Variants in SDK1 observed in about 807,000 individuals in gnomAD.
SDK1 encodes the protein protein sidekick-1.
Under a neutral mutation model 245.5 loss-of-function variants are expected in SDK1, and 157 were observed. That is an observed-to-expected ratio of 0.64 (90% CI 0.56 to 0.73). The LOEUF (loss-of-function observed/expected upper bound fraction) is 0.73. SDK1 is among the 30% of genes least tolerant of loss of function. SDK1 has a pLI of 0.00. For missense variants in SDK1, 3,583 were observed against 3,002.3 expected (o/e 1.19, Z -4.52); for synonymous variants, 1,647 against 1,278.5 (o/e 1.29, Z -6.15).
chr7:3,612,656 G>C (rs1220722773), intron 1 of SDK1, among the ~76,000 whole-genome samples: 1 of 152,166 alleles, frequency 6.6e-6, no homozygotes, highest in Non-Finnish European at 1.5e-5. Flanking sequence ...GAAAATGTTT[G>C]AATTTGATAT....
intron 2 of SDK1, among the ~76,000 whole-genome samples, chr7:3,631,534 G>C (rs1192439967): frequency 6.6e-6 from 1 of 152,164 alleles, no homozygotes; most frequent in African/African-American, 2.4e-5. Flanking sequence ...AAGGACAGCA[G>C]GTGCTATCTT....
intron 4 of SDK1, among the ~76,000 whole-genome samples, chr7:3,715,754 A>C (rs927584465): frequency 7.9e-5 from 12 of 152,218 alleles, no homozygotes; most frequent in African/African-American, 2.9e-4. Context: ...AAAATTACTG[A>C]ACATACAAAG....
intron 1 of SDK1, among the ~76,000 whole-genome samples, chr7:3,611,835 T>A (rs1035019413): frequency 6.6e-5 from 10 of 152,044 alleles, no homozygotes; most frequent in African/African-American, 2.4e-4. Context: ...AATAGATGAT[T>A]GTGGTGATGG....
chr7:4,175,706 GC>G, intron 33 of SDK1, 68 bp from the exon 34 acceptor site: 1 of 1,312,004 alleles, frequency 7.6e-7, no homozygotes, highest in South Asian at 1.2e-5. Context: ...CCTTGTTCCT[GC>G]CGCACATCAC....
chr7:3,603,659 T>C (rs947894138), intron 1 of SDK1, among the ~76,000 whole-genome samples: 4 of 152,196 alleles, frequency 2.6e-5, no homozygotes, highest in Non-Finnish European at 4.4e-5. Context: ...TTTTTCATAA[T>C]TGAATACCCT....
chr7:3,776,847 C>T (rs958351953), intron 4 of SDK1, among the ~76,000 whole-genome samples: 8 of 152,044 alleles, frequency 5.3e-5, no homozygotes, highest in African/African-American at 1.9e-4. Context: ...GAATGTCAGT[C>T]AGTAGTCTTG....
At chr7:3,682,248 C>G (rs1381685020) in intron 4 of SDK1, among the ~76,000 whole-genome samples, 6 of 152,184 alleles carry the variant, frequency 3.9e-5, no homozygotes, top group Non-Finnish European at 8.8e-5. Context: ...GAAAATGGGA[C>G]TCTCACCCCA....
chr7:4,200,042 C>A (rs1425767814), intron 35 of SDK1, among the ~76,000 whole-genome samples: 1 of 152,174 alleles, frequency 6.6e-6, no homozygotes, highest in East Asian at 1.9e-4. Flanking sequence ...TTGCAGTGAG[C>A]CGAGACTGTG....
chr7:3,924,749 AC>A (rs933863681), intron 5 of SDK1, among the ~76,000 whole-genome samples: 6 of 152,300 alleles, frequency 3.9e-5, no homozygotes, highest in South Asian at 4.1e-4. Context: ...CATGAAAGAT[AC>A]TAATGAATTT....
At chr7:3,723,560 C>G (rs1328607603) in intron 4 of SDK1, among the ~76,000 whole-genome samples, 1 of 152,042 alleles carries the variant, frequency 6.6e-6, no homozygotes, top group Non-Finnish European at 1.5e-5. Flanking sequence ...ACCTTATGAA[C>G]TTTCCATTAT....
At chr7:3,734,964 G>T (rs73304214) in intron 4 of SDK1, among the ~76,000 whole-genome samples, 2 of 152,032 alleles carry the variant, frequency 1.3e-5, no homozygotes, top group South Asian at 4.1e-4. Flanking sequence ...TTCTCCCGAC[G>T]TGCACATCCC....
At chr7:4,151,842 A>G (rs1426608961) in intron 30 of SDK1, among the ~76,000 whole-genome samples, 2 of 152,216 alleles carry the variant, frequency 1.3e-5, no homozygotes, top group Admixed American at 1.3e-4. Context: ...TGACGTCTCT[A>G]AATGGAAGGG....
chr7:3,800,176 C>T (rs1361343869), intron 4 of SDK1, among the ~76,000 whole-genome samples: 1 of 152,014 alleles, frequency 6.6e-6, no homozygotes, highest in South Asian at 2.1e-4. Flanking sequence ...GCCTGTGTGT[C>T]TAATATTATG....
intron 1 of SDK1, among the ~76,000 whole-genome samples, chr7:3,377,733 C>A (rs1036663143): frequency 1.3e-5 from 2 of 152,012 alleles, no homozygotes; most frequent in African/African-American, 2.4e-5. Context: ...GGGGGTGCTT[C>A]CTAGCCACGC....
At chr7:3,841,265 G>A (rs1422136479) in intron 5 of SDK1, among the ~76,000 whole-genome samples, 1 of 152,160 alleles carries the variant, frequency 6.6e-6, no homozygotes, top group African/African-American at 2.4e-5. Flanking sequence ...GCTGTCAGGT[G>A]GATCCAAGGA....
At chr7:3,329,245 A>T (rs1212499990) in intron 1 of SDK1, among the ~76,000 whole-genome samples, 1 of 152,180 alleles carries the variant, frequency 6.6e-6, no homozygotes, top group Non-Finnish European at 1.5e-5. Context: ...GTTCTAAACC[A>T]CGTCCATGAG....
chr7:3,683,381 TAGGAAGC>T (rs1422240824), intron 4 of SDK1, among the ~76,000 whole-genome samples: 14 of 152,040 alleles, frequency 9.2e-5, no homozygotes, highest in South Asian at 2.1e-4. Flanking sequence ...GTTTAGACAA[TAGGAAGC>T]AGACAGGGAG....
chr7:3,952,581 C>G (rs1306809781), intron 7 of SDK1, among the ~76,000 whole-genome samples: 1 of 148,464 alleles, frequency 6.7e-6, no homozygotes, highest in Admixed American at 6.6e-5. Flanking sequence ...AAAACTCCAA[C>G]TCAAAAAAAA....
intron 44 of SDK1, among the ~76,000 whole-genome samples, chr7:4,261,945 C>T (rs556351091): frequency 6.7e-6 from 1 of 149,238 alleles, no homozygotes; most frequent in South Asian, 2.1e-4. Flanking sequence ...GAGGATGTGG[C>T]ACTTATCAGC....
Sources: gnomAD v4.1 joint callset for allele counts (sites outside exome capture counted in the v4.1 genomes callset) on GRCh38, gnomAD v4.1.1 for gene constraint, MANE v1.5 for transcripts, NCBI Gene and HGNC (gene_info 2026-07-23, HGNC 2026-07-21) for gene names.